The following ADCY9 variants were observed in gnomAD, a reference collection of about 807,000 sequenced individuals.
ADCY9 encodes the protein adenylate cyclase 9.
ADCY9 carries 50 observed loss-of-function variants against 101.5 expected under a neutral mutation model. The observed-to-expected ratio is 0.49, with a 90% confidence interval of 0.39 to 0.62. The LOEUF is 0.62. ADCY9 is among the 20% of genes least tolerant of loss of function. ADCY9 has a pLI of 0.00. For synonymous variants in ADCY9, 905 were observed against 769.3 expected (o/e 1.18, Z -2.92); for missense variants, 1,662 against 1,800.4 (o/e 0.92, Z 1.39).
intron 2 of ADCY9, among the ~76,000 whole-genome samples, chr16:4,039,992 T>C (rs530767626): frequency 4.6e-5 from 7 of 152,180 alleles, no homozygotes; most frequent in Non-Finnish European, 8.8e-5. Flanking sequence ...TGACCCATGA[T>C]TGCACCACTG....
intron 8 of ADCY9, among the ~76,000 whole-genome samples, chr16:3,978,038 C>T (rs17136643): frequency 0.051 from 7,758 of 152,198 alleles, 264 homozygotes; most frequent in Admixed American, 0.083. Context: ...TTCTGTGTAA[C>T]CTAAAAATAT....
rs147624348 is a variant in ADCY9, at chr16:4,051,353, G to T, written c.1694-43795C>A. Among the ~76,000 whole-genome samples, 47 of 150,328 alleles carry T rather than the reference G, an allele frequency of 3.1e-4. No individual in the cohort carries two copies. The East Asian group carries it at 4.4e-3, about 14-fold the overall frequency. On this transcript the variant is annotated intron_variant, in intron 2 of 10. Coordinates refer to ENST00000294016, the MANE Select transcript of ADCY9 (RefSeq NM_001116.4). ...ATCCTGGTTAACACAGTGAAACCCC[G>T]TCTCTACTAAAAATACAAAAATTAG... is the stretch of plus-strand genomic sequence containing the variant.
intron 10 of ADCY9, among the ~76,000 whole-genome samples, chr16:3,971,271 T>C (rs1389459000): frequency 6.6e-6 from 1 of 152,114 alleles, no homozygotes; most frequent in Non-Finnish European, 1.5e-5. Flanking sequence ...GAGAGGACTC[T>C]TGGAAGCTGG....
rs55742993 is a variant in ADCY9, at chr16:4,074,716, CAAAAA to C, written c.1693+39029_1693+39033del. On this transcript the variant is annotated intron_variant, in intron 2 of 10. Coordinates refer to ENST00000294016, the MANE Select transcript of ADCY9 (RefSeq NM_001116.4). ...TGGATGACAGGGCAATACCCAGTGG[CAAAAA>C]AAAAAAAAAATAGAAAACACACTAG... is the stretch of plus-strand genomic sequence containing the variant. Among the ~76,000 whole-genome samples the C allele has an allele frequency of 6.0e-5, 6 of 100,414 alleles. No individual in the cohort carries two copies. In the South Asian group the frequency reaches 1.0e-3, roughly 17 times the overall value. The allele number at this position is 100,414 out of a possible 152,430, so 65.9% of individuals were successfully genotyped here.
At chr16:4,056,420 A>G (rs2056738497) in intron 2 of ADCY9, among the ~76,000 whole-genome samples, 2 of 151,974 alleles carry the variant, frequency 1.3e-5, no homozygotes, top group Admixed American at 1.3e-4. Context: ...CACTTAGGTA[A>G]TTTTTGTATT....
chr16:4,005,943 A>G (rs1383401064), intron 3 of ADCY9, among the ~76,000 whole-genome samples: 1 of 152,150 alleles, frequency 6.6e-6, no homozygotes, highest in African/African-American at 2.4e-5. Context: ...GCTGTCTAGG[A>G]GCCCAGAGCT....
At chr16:4,004,475 C>A (rs1430878260) in intron 3 of ADCY9, among the ~76,000 whole-genome samples, 2 of 152,074 alleles carry the variant, frequency 1.3e-5, no homozygotes, top group African/African-American at 4.8e-5. Context: ...AGGAAATAAA[C>A]CCTTCGTGGG....
intron 10 of ADCY9, among the ~76,000 whole-genome samples, chr16:3,971,991 G>A (rs1396313576): frequency 1.3e-5 from 2 of 152,188 alleles, no homozygotes; most frequent in East Asian, 3.9e-4. Context: ...GGAAGGCAGA[G>A]CACAGCGTTT....
At chr16:4,025,749 G>C (rs866034062) in intron 2 of ADCY9, among the ~76,000 whole-genome samples, 4 of 152,204 alleles carry the variant, frequency 2.6e-5, no homozygotes, top group South Asian at 2.1e-4. Context: ...ATGACCAGCA[G>C]AGGCCAACTT....
At chr16:3,974,363 T>A (rs1053952408) in intron 10 of ADCY9, among the ~76,000 whole-genome samples, 1 of 152,250 alleles carries the variant, frequency 6.6e-6, no homozygotes, top group Admixed American at 6.5e-5. Context: ...TCGGTTATTT[T>A]AAAATATTTT....
intron 2 of ADCY9, among the ~76,000 whole-genome samples, chr16:4,110,238 C>G (rs988811346): frequency 3.3e-5 from 5 of 152,196 alleles, no homozygotes. Flanking sequence ...CAAGGGTGAG[C>G]CGGTGGCAGG....
At chr16:3,956,763 G>A (rs2055908951) in intron 5 of ADCY9, among the ~76,000 whole-genome samples, 1 of 151,454 alleles carries the variant, frequency 6.6e-6, no homozygotes, top group South Asian at 2.1e-4. Flanking sequence ...CCAAAGTGCT[G>A]AGACTACAGG....
intron 2 of ADCY9, among the ~76,000 whole-genome samples, chr16:4,052,432 C>G (rs1327159514): frequency 3.9e-5 from 6 of 152,100 alleles, no homozygotes; most frequent in African/African-American, 1.4e-4. Flanking sequence ...GCAGTCTATT[C>G]TCAAATTATT....
intron 2 of ADCY9, among the ~76,000 whole-genome samples, chr16:4,078,130 C>A (rs532849591): frequency 1.3e-5 from 2 of 152,278 alleles, no homozygotes; most frequent in South Asian, 4.2e-4. Context: ...TCACTCCACT[C>A]CTATGCATTT....
In ADCY9 at chr16:4,007,457, C is replaced by G. The variant is rs1318198374; in HGVS notation, c.1795G>C (p.Val599Leu). 2 of 1,614,124 alleles carry G rather than the reference C, an allele frequency of 1.2e-6. No homozygotes were observed. The highest frequency in any genetic ancestry group is 4.5e-5 in the East Asian group (2 of 44,882). The change falls in exon 3 of 11, where the codon GTG becomes CTG. Residue 599 changes from valine to leucine, a missense_variant. This residue lies in a region of ADCY9 where 624 missense variants were observed against 639.1 expected (regional missense o/e 0.98). Transcript: ENST00000294016. ...CCCTGTCCCCTAGGGCCTGAGGACACCTGTGAGCCGTCAATGACCTCAAAG... is the reference window on the plus strand; with the variant it reads ...CCCTGTCCCCTAGGGCCTGAGGACAGCTGTGAGCCGTCAATGACCTCAAAG... ...SGFEVIDGSQ[V>L]SSGPRGQGTA...
In ADCY9 at chr16:4,114,177, C is replaced by G; in HGVS notation, c.1266G>C (p.Leu422=). The G allele has an allele frequency of 3.7e-6, 6 of 1,613,928 alleles. No homozygotes were observed. The highest frequency in any genetic ancestry group is 5.1e-6 in the Non-Finnish European group (6 of 1,180,024). The change falls in exon 2 of 11, where the codon CTG becomes CTC. Residue 422 remains leucine (L), a synonymous_variant. Transcript: ENST00000294016. The surrounding 1 kb of genome is among the most constrained non-coding windows in gnomAD (Gnocchi z 4.3). ...CACACAGGCGGTCGAAGCGACCGAA[C>G]AGATCGTTCAGGAGACCCACCAGGG... ...AHALVGLLND[L]FGRFDRLCEE...
At chr16:3,989,887 T>C (rs2056230577) in intron 5 of ADCY9, among the ~76,000 whole-genome samples, 1 of 152,138 alleles carries the variant, frequency 6.6e-6, no homozygotes, top group Admixed American at 6.5e-5. Context: ...AGCTAACAGG[T>C]TGTTATCACA....
chr16:3,997,364 G>A (rs1011984518), intron 3 of ADCY9, among the ~76,000 whole-genome samples: 13 of 152,236 alleles, frequency 8.5e-5, no homozygotes, highest in African/African-American at 1.4e-4. Context: ...CTGGAAGGCC[G>A]GTGCAGCCCG....
intron 2 of ADCY9, among the ~76,000 whole-genome samples, chr16:4,108,172 A>G (rs2057089810): frequency 6.6e-6 from 1 of 152,180 alleles, no homozygotes; most frequent in East Asian, 1.9e-4. Flanking sequence ...GATATTTTCT[A>G]ACAGTTTCAT....
Sources: allele counts gnomAD v4.1 joint callset (sites outside exome capture counted in the v4.1 genomes callset), GRCh38; gene constraint gnomAD v4.1.1; regional missense constraint gnomAD v4.1.1; non-coding constraint Gnocchi (gnomAD v3.1); transcripts MANE v1.5; gene names NCBI Gene and HGNC (gene_info 2026-07-23, HGNC 2026-07-21).